The following STIM2 variants were observed in gnomAD, a reference collection of about 807,000 sequenced individuals.
The protein encoded by STIM2 is stromal interaction molecule 2.
Under a neutral mutation model 85.8 loss-of-function variants are expected in STIM2, and 31 were observed. That is an observed-to-expected ratio of 0.36 (90% CI 0.27 to 0.49). STIM2 has a LOEUF of 0.49. Among genes scored for constraint, STIM2 ranks in the 20% least tolerant of loss-of-function variants. The pLI is 0.98. For synonymous variants in STIM2, 356 were observed against 331.1 expected (o/e 1.08, Z -0.82); for missense variants, 841 against 927.6 (o/e 0.91, Z 1.21).
At chr4:27,003,267 T>C (rs1254719085) in intron 7 of STIM2, among the ~76,000 whole-genome samples, 163 bp downstream of exon 7, 2 of 152,184 alleles carry the variant, frequency 1.3e-5, no homozygotes, top group African/African-American at 2.4e-5. Flanking sequence ...AAAGTTCATA[T>C]AGCAAAATAA....
intron 2 of STIM2, among the ~76,000 whole-genome samples, chr4:26,952,906 G>A (rs77300106): frequency 0.02 from 3,082 of 152,072 alleles, 107 homozygotes; most frequent in African/African-American, 0.071. Flanking sequence ...CTCTCTCTTA[G>A]CCTTAGTTTT....
chr4:26,965,636 C>T (rs367734468), intron 3 of STIM2, among the ~76,000 whole-genome samples: 85 of 152,124 alleles, frequency 5.6e-4, no homozygotes, highest in African/African-American at 1.9e-3. Context: ...TTCTTTTTCT[C>T]TTTCTCTTTT....
chr4:26,878,578 G>A (rs567111393), intron 1 of STIM2, among the ~76,000 whole-genome samples: 1 of 151,938 alleles, frequency 6.6e-6, no homozygotes, highest in South Asian at 2.1e-4. Context: ...CCTGATTTTT[G>A]GTATATCTCT....
chr4:26,953,333 A>C (rs370779070), intron 2 of STIM2, among the ~76,000 whole-genome samples: 1 of 152,172 alleles, frequency 6.6e-6, no homozygotes, highest in Non-Finnish European at 1.5e-5. Context: ...AAACCACTCA[A>C]AATATTTTGT....
intron 11 of STIM2, among the ~76,000 whole-genome samples, chr4:27,020,711 AATG>A (rs1728880185): frequency 6.6e-6 from 1 of 152,238 alleles, no homozygotes; most frequent in Non-Finnish European, 1.5e-5. Flanking sequence ...GTAACATGAA[AATG>A]ATATTAATCA....
At chr4:26,986,232 G>C (rs941613864) in intron 3 of STIM2, among the ~76,000 whole-genome samples, 3 of 152,176 alleles carry the variant, frequency 2.0e-5, no homozygotes, top group Non-Finnish European at 4.4e-5. Flanking sequence ...ATGTAGCAGA[G>C]TTTCTGGAAA....
At chr4:26,990,275 A>G (rs1351319567) in intron 3 of STIM2, among the ~76,000 whole-genome samples, 4 of 152,174 alleles carry the variant, frequency 2.6e-5, no homozygotes, top group Non-Finnish European at 5.9e-5. Context: ...CCAACGAAAC[A>G]GAATAGAGAA....
chr4:26,956,973 T>C (rs1726269784), intron 2 of STIM2, among the ~76,000 whole-genome samples: 1 of 152,150 alleles, frequency 6.6e-6, no homozygotes, highest in Admixed American at 6.6e-5. Flanking sequence ...TAAATGACTT[T>C]CTCTGTATGG....
chr4:26,962,559 AGTGTGT>A (rs34301656), intron 3 of STIM2, among the ~76,000 whole-genome samples: 64,523 of 142,520 alleles, frequency 0.45, 14,470 homozygotes, highest in South Asian at 0.53. Context: ...ACTTTAATGC[AGTGTGT>A]GTGTGTGTGT....
chr4:26,976,792 G>A (rs4692135), intron 3 of STIM2, among the ~76,000 whole-genome samples: 148,311 of 152,202 alleles, frequency 0.97, 72,300 homozygotes, highest in East Asian at 1. Context: ...TGACAGAGTG[G>A]GACTCTGTCT....
At chr4:26,867,205 C>T (rs1278613870) in intron 1 of STIM2, among the ~76,000 whole-genome samples, 1 of 152,202 alleles carries the variant, frequency 6.6e-6, no homozygotes, top group East Asian at 1.9e-4. Context: ...ATAAAAATTA[C>T]CTTTAGCATT....
intron 1 of STIM2, among the ~76,000 whole-genome samples, chr4:26,918,542 C>G (rs1724677466): frequency 6.6e-6 from 1 of 152,084 alleles, no homozygotes; most frequent in Admixed American, 6.5e-5. Flanking sequence ...TAAGGCCATA[C>G]TATTTCTGGA....
At chr4:26,894,623 A>T (rs1324541743) in intron 1 of STIM2, among the ~76,000 whole-genome samples, 1 of 150,502 alleles carries the variant, frequency 6.6e-6, no homozygotes, top group Non-Finnish European at 1.5e-5. Flanking sequence ...TATGTGTGTG[A>T]GTCTGTTCTG....
chr4:26,993,526 T>C (rs1341302714), intron 3 of STIM2, among the ~76,000 whole-genome samples: 5 of 95,058 alleles, frequency 5.3e-5, no homozygotes, highest in Admixed American at 3.8e-4. Context: ...TATTTTTATG[T>C]AGCTTATCAG....
chr4:26,959,197 C>T (rs1726359668), intron 3 of STIM2, among the ~76,000 whole-genome samples: 1 of 152,110 alleles, frequency 6.6e-6, no homozygotes, highest in African/African-American at 2.4e-5. Flanking sequence ...CATGTTCTGC[C>T]TTCTGTTTCC....
intron 2 of STIM2, among the ~76,000 whole-genome samples, chr4:26,921,349 T>C (rs911579025): frequency 6.6e-6 from 1 of 152,198 alleles, no homozygotes; most frequent in African/African-American, 2.4e-5. Flanking sequence ...ATTTCTATCG[T>C]GGTAAGCCAT....
intron 1 of STIM2, among the ~76,000 whole-genome samples, chr4:26,895,423 A>C (rs10805267): frequency 1 from 151,637 of 152,284 alleles, 75,496 homozygotes; most frequent in Middle Eastern, 1. Context: ...CCAATGTTTA[A>C]AATAACAAAT....
intron 1 of STIM2, among the ~76,000 whole-genome samples, chr4:26,897,387 A>G (rs2109049377): frequency 6.6e-6 from 1 of 152,288 alleles, no homozygotes; most frequent in South Asian, 2.1e-4. Context: ...GCAGTGTTAA[A>G]CATCTTTTCA....
intron 2 of STIM2, among the ~76,000 whole-genome samples, chr4:26,956,307 A>G (rs188607654): frequency 6.6e-6 from 1 of 152,328 alleles, no homozygotes; most frequent in East Asian, 1.9e-4. Context: ...GATAAGGCCT[A>G]AAAGATTCTC....
Sources: allele counts gnomAD v4.1 joint callset (sites outside exome capture counted in the v4.1 genomes callset), GRCh38; gene constraint gnomAD v4.1.1; transcripts MANE v1.5; gene names NCBI Gene and HGNC (gene_info 2026-07-23, HGNC 2026-07-21).